Variants in PARD3 observed in about 807,000 individuals in gnomAD.
The protein encoded by PARD3 is partitioning defective 3 homolog.
Under a neutral mutation model 155.4 loss-of-function variants are expected in PARD3, and 75 were observed. The observed-to-expected ratio is 0.48, with a 90% CI of 0.40 to 0.58. The LOEUF (loss-of-function observed/expected upper bound fraction) is 0.58. Among genes scored for constraint, PARD3 ranks in the 20% least tolerant of loss-of-function variants. The pLI, the probability that PARD3 is intolerant of heterozygous loss-of-function variation, is 0.00. For missense variants in PARD3, 1,642 were observed against 1,721.7 expected (o/e 0.95, Z 0.82); for synonymous variants, 576 against 610.5 (o/e 0.94, Z 0.83).
intron 1 of PARD3, among the ~76,000 whole-genome samples, chr10:34,810,226 T>G (rs1460161061): frequency 1.3e-5 from 2 of 152,176 alleles, no homozygotes; most frequent in African/African-American, 2.4e-5. Context: ...ACAGACTTAT[T>G]TTCAAGCACA....
At position 34,389,532 on chromosome 10, in the gene PARD3, G is replaced by A. The variant is rs139938476; in HGVS notation, c.891-5278C>T. On this transcript the variant is annotated intron_variant, in intron 7 of 24. Coordinates refer to ENST00000374788, the MANE Select transcript of PARD3 (RefSeq NM_001184785.2). ...TGTTTTATTGACATCCAAATTGGCT[G>A]AGTAAGTCTGAGTTTTGCGTTGATA... Among the ~76,000 whole-genome samples the A allele has an allele frequency of 7.9e-5, 12 of 152,312 alleles. No homozygotes were observed. In the East Asian group the frequency reaches 2.3e-3, roughly 29 times the overall value.
intron 22 of PARD3, among the ~76,000 whole-genome samples, chr10:34,210,515 T>TTA (rs1951694505): frequency 6.6e-6 from 1 of 152,128 alleles, no homozygotes; most frequent in Non-Finnish European, 1.5e-5. Flanking sequence ...GCTCAAGGTG[T>TTA]TATGACCTTT....
chr10:34,304,079 C>T (rs536998693), intron 20 of PARD3, among the ~76,000 whole-genome samples: 1 of 152,144 alleles, frequency 6.6e-6, no homozygotes, highest in South Asian at 2.1e-4. Flanking sequence ...TAAAATCGTC[C>T]TCGTTTGTGT....
rs188032106 is a variant in PARD3, at chr10:34,773,791, G to A, written c.120+41085C>T. Among the ~76,000 whole-genome samples the A allele has an allele frequency of 9.5e-4, 144 of 152,154 alleles. 1 individual carries two copies. The highest frequency in any genetic ancestry group is 3.3e-3 in the African/African-American group (138 of 41,524). Reference sequence around the variant, plus strand: ...GGTCCTTTGGGCAAACATCCACTAGGCACTTAATGTTCTTCTCATAAACTT... The same window carrying A: ...GGTCCTTTGGGCAAACATCCACTAGACACTTAATGTTCTTCTCATAAACTT... On this transcript the variant is annotated intron_variant, in intron 1 of 24. Coordinates refer to ENST00000374788, the MANE Select transcript of PARD3 (RefSeq NM_001184785.2).
chr10:34,267,376 G>C (rs1424869056), intron 22 of PARD3, among the ~76,000 whole-genome samples: 1 of 152,070 alleles, frequency 6.6e-6, no homozygotes, highest in Non-Finnish European at 1.5e-5. Context: ...GAACCTTCTA[G>C]GTGATCACAG....
intron 22 of PARD3, among the ~76,000 whole-genome samples, chr10:34,148,683 G>A (rs1249296110): frequency 6.6e-6 from 1 of 152,086 alleles, no homozygotes; most frequent in Non-Finnish European, 1.5e-5. Flanking sequence ...TTTCCATAGA[G>A]ATAAATTTAT....
At position 34,575,420 on chromosome 10, in the gene PARD3, T is replaced by C. The variant is rs187995919; in HGVS notation, c.223-58261A>G. On this transcript the variant is annotated intron_variant, in intron 2 of 24. Coordinates refer to ENST00000374788, the MANE Select transcript of PARD3 (RefSeq NM_001184785.2). ...TAGGCTTTATCTATTTTCCTCAAAT[T>C]GGAAAAATTTGGTAGACACAGAAAT... is the stretch of plus-strand genomic sequence containing the variant. Among the ~76,000 whole-genome samples, 455 of 152,280 alleles carry C rather than the reference T, an allele frequency of 3.0e-3. 2 individuals are homozygous for C. Among genetic ancestry groups the C allele is most frequent in the Admixed American group, 9.2e-3 (140 of 15,290 alleles).
intron 20 of PARD3, among the ~76,000 whole-genome samples, chr10:34,292,110 A>G (rs933173522): frequency 6.6e-6 from 1 of 152,226 alleles, no homozygotes; most frequent in African/African-American, 2.4e-5. Context: ...CTGTGCTGAC[A>G]TATGCAAATA....
At chr10:34,345,533 A>G in intron 15 of PARD3, 1 of 985,374 alleles carries the variant, frequency 1.0e-6, no homozygotes, top group Middle Eastern at 5.2e-4. Flanking sequence ...ATAGAAGACA[A>G]TCATTAACCA....
intron 22 of PARD3, among the ~76,000 whole-genome samples, chr10:34,218,667 A>G (rs564720279): frequency 6.6e-6 from 1 of 152,248 alleles, no homozygotes; most frequent in East Asian, 1.9e-4. Flanking sequence ...CGTGACAGCA[A>G]TGAAGAAGTT....
At chr10:34,251,860 T>C (rs552549769) in intron 22 of PARD3, among the ~76,000 whole-genome samples, 9 of 152,286 alleles carry the variant, frequency 5.9e-5, no homozygotes, top group Admixed American at 2.0e-4. Flanking sequence ...AAACTGTCTT[T>C]GCTGTGCTGA....
chr10:34,583,619 TAC>T (rs1320230418), intron 2 of PARD3, among the ~76,000 whole-genome samples: 1 of 152,128 alleles, frequency 6.6e-6, no homozygotes, highest in Non-Finnish European at 1.5e-5. Context: ...AATCTGCCTT[TAC>T]ACAGAGTTAA....
intron 12 of PARD3, among the ~76,000 whole-genome samples, chr10:34,366,244 C>T (rs978399546): frequency 6.6e-6 from 1 of 152,070 alleles, no homozygotes; most frequent in Non-Finnish European, 1.5e-5. Context: ...GTACGGTATC[C>T]CATAAATTAG....
chr10:34,463,236 G>A (rs1246532775), intron 4 of PARD3, among the ~76,000 whole-genome samples: 5 of 128,562 alleles, frequency 3.9e-5, no homozygotes, highest in South Asian at 3.1e-4. Flanking sequence ...AGGGGAAGGG[G>A]AAAGGAAGGG....
At chr10:34,196,298 C>A (rs894896420) in intron 22 of PARD3, among the ~76,000 whole-genome samples, 5 of 152,162 alleles carry the variant, frequency 3.3e-5, no homozygotes, top group African/African-American at 4.8e-5. Flanking sequence ...CTTTAAGCTC[C>A]GCTTGTTAAT....
intron 1 of PARD3, among the ~76,000 whole-genome samples, chr10:34,720,754 G>A (rs7075990): frequency 0.29 from 43,380 of 151,282 alleles, 7,318 homozygotes; most frequent in Non-Finnish European, 0.38. Flanking sequence ...CCAAGATCGC[G>A]CCATTGCACT....
chr10:34,255,654 A>G (rs1397920140), intron 22 of PARD3, among the ~76,000 whole-genome samples: 1 of 152,246 alleles, frequency 6.6e-6, no homozygotes, highest in Non-Finnish European at 1.5e-5. Flanking sequence ...ATCATCAGTA[A>G]GTTCTGAAAT....
chr10:34,398,179 A>C (rs2132160508), intron 7 of PARD3, among the ~76,000 whole-genome samples: 1 of 152,328 alleles, frequency 6.6e-6, no homozygotes, highest in East Asian at 1.9e-4. Flanking sequence ...TTCTAAGTCA[A>C]GTTTCAGCTT....
chr10:34,616,943 A>AAAT (rs2091295806), intron 2 of PARD3, among the ~76,000 whole-genome samples: 2 of 151,678 alleles, frequency 1.3e-5, no homozygotes, highest in African/African-American at 4.9e-5. Context: ...AAAAAAAAAA[A>AAAT]AAAAAATAAC....
Sources: allele counts gnomAD v4.1 joint callset (sites outside exome capture counted in the v4.1 genomes callset), GRCh38; gene constraint gnomAD v4.1.1; transcripts MANE v1.5; gene names NCBI Gene and HGNC (gene_info 2026-07-23, HGNC 2026-07-21).